The following NIN variants were observed in gnomAD, a reference collection of about 807,000 sequenced individuals.
The protein encoded by NIN is ninein.
Under a neutral mutation model 257.6 loss-of-function variants are expected in NIN, and 137 were observed. The ratio of observed to expected loss-of-function variants is 0.53; its 90% confidence interval spans 0.46 to 0.61. The LOEUF is 0.61. NIN is among the 20% of genes least tolerant of loss of function. The pLI, the probability that NIN is intolerant of heterozygous loss-of-function variation, is 0.00. For synonymous variants in NIN, 918 were observed against 919.8 expected (o/e 1.00, Z 0.04); for missense variants, 2,439 against 2,501.2 (o/e 0.98, Z 0.53).
rs1305439602 is a variant in NIN, at chr14:50,741,739, A to G, written c.5302-11T>C. On this transcript the variant is annotated splice_polypyrimidine_tract_variant and intron_variant, in intron 24 of 30. Transcript: ENST00000530997. ...TTCTAAATTCTGAACCTGTATTGTG[A>G]GAATGATCTTTTACTGCTACACAAA... 6 of 1,612,336 alleles carry G rather than the reference A, an allele frequency of 3.7e-6. No individual in the cohort carries two copies. The highest frequency in any genetic ancestry group is 3.4e-6 in the Non-Finnish European group (4 of 1,179,286).
chr14:50,770,756 G>T, intron 11 of NIN, 96 bp downstream of exon 11: 1 of 1,442,322 alleles, frequency 6.9e-7, no homozygotes, highest in South Asian at 1.4e-5. Flanking sequence ...CTGACCAGAA[G>T]AGTCCCCAGT....
intron 2 of NIN, among the ~76,000 whole-genome samples, chr14:50,828,102 C>CAAA (rs34448875): frequency 1.4e-5 from 2 of 138,480 alleles, no homozygotes. Context: ...ATGTTTGTTA[C>CAAA]AAAAAAAAAA....
rs986964040 is a variant in NIN, at chr14:50,729,397, G to T, written c.6078+126C>A. The T allele has an allele frequency of 5.8e-6, 5 of 857,374 alleles. No individual in the cohort carries two copies. In the African/African-American group the frequency reaches 6.8e-5, roughly 12 times the overall value. 53.1% of individuals were successfully genotyped at this position (857,374 alleles called of 1,614,324 possible). A position where few individuals can be genotyped will look rare whatever the true frequency, so the allele number is the denominator to read the frequency against. On this transcript the variant is annotated intron_variant, in intron 29 of 30. Transcript: ENST00000530997. ...CGATCCTCCCGTCTCAGCCTCCCAAGTAGCTGGGACTACAGGTGTGTGCCA... is the reference window on the plus strand; with the variant it reads ...CGATCCTCCCGTCTCAGCCTCCCAATTAGCTGGGACTACAGGTGTGTGCCA...
intron 12 of NIN, 67 bp from the exon 13 acceptor site, chr14:50,766,957 A>G (rs1352624567): frequency 1.9e-6 from 2 of 1,037,684 alleles, no homozygotes; most frequent in Non-Finnish European, 1.5e-6. Context: ...GTACTATTTT[A>G]TATACAGCAT....
intron 11 of NIN, 34 bp from the exon 12 acceptor site, chr14:50,770,596 C>T (rs1337757737): frequency 3.1e-6 from 5 of 1,607,526 alleles, no homozygotes; most frequent in East Asian, 2.2e-5. Context: ...GCTGCCATCA[C>T]GTCTTTCAGA....
chr14:50,724,781 C>A (rs899698715), intron 30 of NIN, among the ~76,000 whole-genome samples: 1 of 151,252 alleles, frequency 6.6e-6, no homozygotes, highest in African/African-American at 2.5e-5. Flanking sequence ...GCCTAGGATA[C>A]CCTTCCCCAC....
At chr14:50,724,958 C>T (rs2984270) in intron 30 of NIN, among the ~76,000 whole-genome samples, 89,169 of 152,016 alleles carry the variant, frequency 0.59, 26,755 homozygotes, top group African/African-American at 0.7. Flanking sequence ...TTTGGCCAAA[C>T]GCTTGGCACC....
chr14:50,811,956 CA>C (rs71121604), intron 3 of NIN, among the ~76,000 whole-genome samples: 113,048 of 140,432 alleles, frequency 0.81, 45,149 homozygotes, highest in Non-Finnish European at 0.84. Flanking sequence ...ACTCCGTCTC[CA>C]AAAAAAAAAA....
At chr14:50,782,942 T>G (rs1056565104) in intron 5 of NIN, among the ~76,000 whole-genome samples, 5 of 121,000 alleles carry the variant, frequency 4.1e-5, no homozygotes, top group Admixed American at 9.5e-5. Context: ...CAAACAGACA[T>G]TCTTGAGACA....
chr14:50,742,756 T>A (rs1211078142), intron 24 of NIN, among the ~76,000 whole-genome samples: 2 of 152,144 alleles, frequency 1.3e-5, no homozygotes, highest in Non-Finnish European at 1.5e-5. Flanking sequence ...ATTCCAATTT[T>A]AAAAATTTAA....
chr14:50,747,986 C>G lies in NIN; in HGVS notation c.5064+6G>C, dbSNP rs746547618. 2 of 1,590,380 alleles carry G rather than the reference C, an allele frequency of 1.3e-6. No individual in the cohort carries two copies. The highest frequency in any genetic ancestry group is 2.7e-5 in the African/African-American group (2 of 74,424). On this transcript the variant is annotated splice_donor_region_variant and intron_variant, in intron 22 of 30. Coordinates refer to ENST00000530997, the MANE Select transcript of NIN (RefSeq NM_020921.4). The stretch of plus-strand genomic sequence containing the variant: ...GTGAACCCCCCTTAGCTGCACACAG[C>G]CTTACCTGTTTCATTTTCTCCAGTT...
chr14:50,745,900 T>TA (rs2041514355), intron 22 of NIN, among the ~76,000 whole-genome samples: 1 of 152,182 alleles, frequency 6.6e-6, no homozygotes, highest in South Asian at 2.1e-4. Flanking sequence ...CCACGTTGTA[T>TA]AATAGCAATG....
At chr14:50,761,470 G>A (rs915347975) in intron 16 of NIN, among the ~76,000 whole-genome samples, 1 of 152,148 alleles carries the variant, frequency 6.6e-6, no homozygotes, top group African/African-American at 2.4e-5. Context: ...TTCAGAACTT[G>A]TACCTAATTT....
At chr14:50,792,684 A>T in intron 5 of NIN, 28 bp downstream of exon 5, 1 of 1,613,594 alleles carries the variant, frequency 6.2e-7, no homozygotes, top group Non-Finnish European at 8.5e-7. Flanking sequence ...CTCATGATCC[A>T]GATGAACGTG....
intron 18 of NIN, 130 bp from the exon 19 acceptor site, chr14:50,754,997 T>A (rs1042536785): frequency 1.8e-6 from 1 of 567,040 alleles, no homozygotes; most frequent in African/African-American, 1.9e-5. Flanking sequence ...ATTAGTAGTC[T>A]CTTAGTATTT....
At chr14:50,796,796 C>T (rs939815340) in intron 4 of NIN, among the ~76,000 whole-genome samples, 4 of 152,132 alleles carry the variant, frequency 2.6e-5, no homozygotes, top group Non-Finnish European at 4.4e-5. Context: ...CACAGCCTCC[C>T]CTACTCCAGG....
rs755709676 is a variant in NIN, at chr14:50,759,879, G to C, written c.2377C>G (p.Gln793Glu). 1.2e-6 allele frequency: 2 copies of C among 1,611,896 alleles called. No individual in the cohort carries two copies. Among genetic ancestry groups the C allele is most frequent in the Non-Finnish European group, 1.7e-6 (2 of 1,179,308 alleles). The part of the protein sequence containing the change: ...ELRKELLEKH[Q>E]RELQEGREKM... ...TACCTTCCCTCCTGAAGCTCCCTTT[G>C]GTGCTTTTCCAAGAGCTCTTTTCTT... The change falls in exon 17 of 31, where the codon CAA becomes GAA. Residue 793 changes from glutamine (Q) to glutamate (E), a missense_variant. Transcript: ENST00000530997.
intron 27 of NIN, among the ~76,000 whole-genome samples, chr14:50,737,312 T>C (rs1595723431): frequency 6.6e-6 from 1 of 152,106 alleles, no homozygotes; most frequent in East Asian, 1.9e-4. Flanking sequence ...TTGCTAACAG[T>C]TGTACAAATG....
intron 4 of NIN, among the ~76,000 whole-genome samples, chr14:50,805,588 C>A (rs2044290144): frequency 1.3e-5 from 2 of 152,146 alleles, no homozygotes; most frequent in African/African-American, 2.4e-5. Flanking sequence ...ACTAGATCAC[C>A]CGGCAAGGGT....
Sources: allele counts gnomAD v4.1 joint callset (sites outside exome capture counted in the v4.1 genomes callset), GRCh38; gene constraint gnomAD v4.1.1; transcripts MANE v1.5; gene names NCBI Gene and HGNC (gene_info 2026-07-23, HGNC 2026-07-21).